Variants in NBPF3 observed in about 807,000 individuals in gnomAD.
The protein encoded by NBPF3 is NBPF family member NBPF3.
In NBPF3, 57 loss-of-function variants were observed where a neutral mutation model predicts 78.1. That is an observed-to-expected ratio of 0.73 (90% confidence interval 0.59 to 0.91). The LOEUF is 0.91. Ranked by LOEUF, NBPF3 falls within the 40% of genes least tolerant of loss-of-function variation. NBPF3 has a pLI of 0.00. For missense variants in NBPF3, 510 were observed against 715.3 expected, an observed-to-expected ratio of 0.71 and a Z score of 3.27; for synonymous variants, 182 against 271.7, an observed-to-expected ratio of 0.67 and a Z score of 3.25.
At chr1:21,462,696 C>A (rs562472030) in intron 2 of NBPF3, among the ~76,000 whole-genome samples, 1 of 152,296 alleles carries the variant, frequency 6.6e-6, no homozygotes, top group South Asian at 2.1e-4. Flanking sequence ...AGACTAATTC[C>A]AGCAAAAATA....
chr1:21,437,255 C>T, upstream of NBPF3: 1 of 332,196 alleles, frequency 3.0e-6, no homozygotes, highest in Middle Eastern at 8.5e-4. Flanking sequence ...TGGGAGCCCT[C>T]GGGGTGGTGT....
chr1:21,438,262 A>G (rs1185146592), upstream of NBPF3, among the ~76,000 whole-genome samples: 1 of 151,304 alleles, frequency 6.6e-6, no homozygotes, highest in Middle Eastern at 3.3e-3. Flanking sequence ...ACAGGCGTGC[A>G]CCACCATGTC....
intron 2 of NBPF3, among the ~76,000 whole-genome samples, chr1:21,452,848 A>G (rs1353417586): frequency 1.3e-5 from 2 of 152,196 alleles, no homozygotes; most frequent in South Asian, 2.1e-4. Context: ...GCCAGCCCCA[A>G]TGCCACCTGG....
At chr1:21,456,756 A>G (rs1044622373) in intron 2 of NBPF3, among the ~76,000 whole-genome samples, 7 of 152,248 alleles carry the variant, frequency 4.6e-5, no homozygotes, top group African/African-American at 1.7e-4. Context: ...CTCACAGGTA[A>G]CATTATATTA....
chr1:21,478,446 A>G (rs919354890), intron 9 of NBPF3, 139 bp downstream of exon 9: 13 of 1,057,436 alleles, frequency 1.2e-5, no homozygotes, highest in African/African-American at 3.1e-5. Flanking sequence ...GTAGATTTCA[A>G]TCACTCTGGA....
chr1:21,470,790 C>A, intron 4 of NBPF3, 56 bp downstream of exon 4: 1 of 1,206,616 alleles, frequency 8.3e-7, no homozygotes. Context: ...ATCTGAAGTA[C>A]AGCAGCTCGG....
intron 5 of NBPF3, 73 bp downstream of exon 5, chr1:21,471,856 A>G (rs1642616771): frequency 8.9e-6 from 14 of 1,571,470 alleles, no homozygotes; most frequent in South Asian, 1.1e-5. Flanking sequence ...ATACTTTCAC[A>G]ATGACATTTG....
intron 1 of NBPF3, among the ~76,000 whole-genome samples, chr1:21,444,584 C>T (rs1640852579): frequency 6.6e-6 from 1 of 152,094 alleles, no homozygotes; most frequent in South Asian, 2.1e-4. Context: ...TCCCGCCGGG[C>T]TGGAGTACAG....
intron 3 of NBPF3, among the ~76,000 whole-genome samples, chr1:21,469,123 C>T (rs1032659131): frequency 6.6e-6 from 1 of 152,170 alleles, no homozygotes; most frequent in Admixed American, 6.5e-5. Flanking sequence ...GAGTTAAAAT[C>T]GCAGTTATTC....
chr1:21,445,193 G>T lies in NBPF3; in HGVS notation c.107G>T (p.Arg36Leu), dbSNP rs199755595. Residue 36 changes from arginine to leucine, a missense_variant, in exon 2 of 15, where the codon CGA becomes CTA. This residue lies in a region of NBPF3 where 440 missense variants were observed against 478.2 expected (regional missense o/e 0.92). Coordinates refer to ENST00000318249, the MANE Select transcript of NBPF3 (RefSeq NM_032264.6). ...AGAGCAGCCTCACATGGTGTGGGCC[G>T]ACATCAAGAGCTGCGAGATCCAACA... ...APRAASHGVGRHQELRDPTVP... is the reference protein window; with the variant it reads ...APRAASHGVGLHQELRDPTVP... 2 of 1,611,782 alleles carry T rather than the reference G, an allele frequency of 1.2e-6. No individual in the cohort carries two copies. Among genetic ancestry groups the T allele is most frequent in the Non-Finnish European group, 1.7e-6 (2 of 1,179,764 alleles).
At chr1:21,445,242 A>C in intron 2 of NBPF3, 23 bp downstream of exon 2, 1 of 1,609,590 alleles carries the variant, frequency 6.2e-7, no homozygotes, top group Non-Finnish European at 8.5e-7. Flanking sequence ...AGGCATTGCC[A>C]GCTCGGTGGG....
At chr1:21,466,029 A>G (rs891916504) in intron 2 of NBPF3, 92 of 758,834 alleles carry the variant, frequency 1.2e-4, no homozygotes, top group Admixed American at 4.4e-4. Flanking sequence ...ACTCTACAGT[A>G]TGGGTTGCCT....
upstream of NBPF3, chr1:21,437,497 G>A: frequency 6.8e-7 from 1 of 1,460,526 alleles, no homozygotes; most frequent in Non-Finnish European, 9.2e-7. Context: ...AGCGCGAGGT[G>A]CAGCGGCTGC....
intron 2 of NBPF3, chr1:21,449,725 C>G (rs1641194863): frequency 6.5e-6 from 1 of 153,516 alleles, no homozygotes; most frequent in African/African-American, 2.4e-5. Flanking sequence ...CCTGCCTTAG[C>G]CTCCCAAAGT....
chr1:21,459,256 G>A (rs1034627672), intron 2 of NBPF3, among the ~76,000 whole-genome samples: 3 of 152,214 alleles, frequency 2.0e-5, no homozygotes, highest in African/African-American at 7.2e-5. Flanking sequence ...GAATAGGCAA[G>A]TCGGTCTTGA....
rs544848010 is a variant in NBPF3 at position 21,460,466 on chromosome 1, C to G, written c.134-8222C>G. On this transcript the variant is annotated intron_variant, in intron 2 of 14. Transcript: ENST00000318249. The surrounding 1 kb of genome is among the most constrained non-coding windows in gnomAD (Gnocchi z 4.2). Reference sequence around the variant, plus strand: ...TTCAGTTCCCATCCATGAGTGAGAACGTGCTCACGCTGCTACTTCTAAATG... The same window carrying G: ...TTCAGTTCCCATCCATGAGTGAGAAGGTGCTCACGCTGCTACTTCTAAATG... Among the ~76,000 whole-genome samples, 5 of 152,240 alleles carry G rather than the reference C, an allele frequency of 3.3e-5. No homozygotes were observed. The highest frequency in any genetic ancestry group is 1.2e-4 in the African/African-American group (5 of 41,546).
chr1:21,470,298 A>G (rs1642513406), intron 3 of NBPF3, among the ~76,000 whole-genome samples: 2 of 152,240 alleles, frequency 1.3e-5, no homozygotes. Context: ...GCCCCAGTGC[A>G]GTGCTTTAGA....
intron 14 of NBPF3, among the ~76,000 whole-genome samples, chr1:21,482,936 T>G (rs1643299582): frequency 1.6e-5 from 1 of 60,918 alleles, no homozygotes; most frequent in African/African-American, 4.6e-5. Flanking sequence ...TCTCTGTCTC[T>G]CTCTCTCACT....
At chr1:21,461,655 G>T (rs1182807975) in intron 2 of NBPF3, among the ~76,000 whole-genome samples, 1 of 152,104 alleles carries the variant, frequency 6.6e-6, no homozygotes, top group Non-Finnish European at 1.5e-5. Flanking sequence ...TAGAGGCAGG[G>T]TTTTACCATG....
Sources: allele counts gnomAD v4.1 joint callset (sites outside exome capture counted in the v4.1 genomes callset), GRCh38; gene constraint gnomAD v4.1.1; regional missense constraint gnomAD v4.1.1; non-coding constraint Gnocchi (gnomAD v3.1); transcripts MANE v1.5; gene names NCBI Gene and HGNC (gene_info 2026-07-23, HGNC 2026-07-21).